The following SEC16A variants were observed in gnomAD, a reference collection of about 807,000 sequenced individuals.
SEC16A encodes SEC16 homolog A, endoplasmic reticulum export factor.
A neutral mutation model predicts 221.9 loss-of-function variants in SEC16A; 110 were observed. The observed-to-expected ratio is 0.50, with a 90% CI of 0.42 to 0.58. The LOEUF is 0.58. SEC16A is among the 20% of genes least tolerant of loss of function. The pLI is 0.00. For synonymous variants in SEC16A, 1,393 were observed against 1,257.7 expected (o/e 1.11, Z -2.28); for missense variants, 3,165 against 3,097.8 (o/e 1.02, Z -0.52).
At chr9:136,455,832 T>C in intron 19 of SEC16A, 39 bp from the exon 20 acceptor site, 2 of 1,541,100 alleles carry the variant, frequency 1.3e-6, no homozygotes, top group Non-Finnish European at 8.8e-7. Flanking sequence ...AAGCCGCCTG[T>C]GGCCGCTCTG....
chr9:136,474,075 G>A lies in SEC16A; in HGVS notation c.3541C>T (p.Pro1181Ser), dbSNP rs769199830. The change falls in exon 3 of 32, where the codon CCT becomes TCT. Residue 1181 changes from proline to serine, a missense_variant. Transcript: ENST00000684901. ...PQYSLPYPPE[P>S]GAASLYYQDV... is the part of the protein sequence containing the mutation. ...TGGTAATAGAGGGAGGCTGCGCCAG[G>A]CTCCGGTGGGTACGGCAAAGAGTAC... is the stretch of plus-strand genomic sequence containing the variant. The A allele has an allele frequency of 6.2e-7, 1 of 1,607,556 alleles. No homozygotes were observed. The highest frequency in any genetic ancestry group is 8.5e-7 in the Non-Finnish European group (1 of 1,175,924).
At position 136,474,261 on chromosome 9, in the gene SEC16A, A is replaced by T; in HGVS notation, c.3355T>A (p.Ser1119Thr). ...GQQLPPRPPQ[S>T]SSVSLVSSGS... ...CTGGACACCAGAGACACGCTAGAGG[A>T]CTGAGGAGGCCGAGGGGGCAGCTGC... The change falls in exon 3 of 32, where the codon TCC becomes ACC. Residue 1119 changes from serine to threonine, a missense_variant. Ser to Thr is a moderately conservative substitution (Grantham distance 58). Transcript: ENST00000684901. 6.2e-7 allele frequency: 1 copy of T among 1,608,318 alleles called. No individual in the cohort carries two copies. Among genetic ancestry groups the T allele is most frequent in the Admixed American group, 1.7e-5 (1 of 58,896 alleles).
Position 136,475,067 on chromosome 9 carries a change from G to C in SEC16A, c.2549C>G (p.Ser850Trp), listed in dbSNP as rs1289205763. The change falls in exon 3 of 32, where the codon TCG (serine) becomes TGG (tryptophan). Residue 850 changes from serine (S) to tryptophan (W), a missense_variant. Physicochemically the swap from Ser to Trp is radical, Grantham distance 177 (BLOSUM62 -3). Coordinates refer to ENST00000684901, the MANE Select transcript of SEC16A (RefSeq NM_014866.2). The surrounding 1 kb of genome is among the most constrained non-coding windows in gnomAD (Gnocchi z 5.0). Reference sequence around the variant, plus strand: ...GGACTGATTCTTCTCATGAGAGTTCGATAAGGACACAGAAAAGTTAATGGG... The same window carrying C: ...GGACTGATTCTTCTCATGAGAGTTCCATAAGGACACAGAAAAGTTAATGGG... ...AQPINFSVSL[S>W]NSHEKNQSWR... is the part of the protein sequence containing the mutation. 6.2e-7 allele frequency: 1 copy of C among 1,613,678 alleles called. No individual in the cohort carries two copies. The highest frequency in any genetic ancestry group is 8.5e-7 in the Non-Finnish European group (1 of 1,179,832).
chr9:136,443,900 C>G lies in SEC16A; in HGVS notation c.6928G>C (p.Ala2310Pro), dbSNP rs571167877. ...CCTGCAGCAGGGAGGTCGCCAGGAGCCTGAGAAGCACAGAGAAGTCACCTC... is the reference window on the plus strand; with the variant it reads ...CCTGCAGCAGGGAGGTCGCCAGGAGGCTGAGAAGCACAGAGAAGTCACCTC... ...SREVSQHFNQ[A>P]PGDLPAAGGP... Residue 2310 changes from alanine to proline, a missense_variant and splice_region_variant, in exon 31 of 32, where the codon GCT (alanine) becomes CCT (proline). Coordinates refer to ENST00000684901, the MANE Select transcript of SEC16A (RefSeq NM_014866.2). 1 of 1,608,418 alleles carries G rather than the reference C, an allele frequency of 6.2e-7. No homozygotes were observed. Among genetic ancestry groups the G allele is most frequent in the Admixed American group, 1.7e-5 (1 of 59,044 alleles).
intron 1 of SEC16A, among the ~76,000 whole-genome samples, chr9:136,482,606 G>C (rs762694000): frequency 3.3e-5 from 5 of 152,262 alleles, no homozygotes; most frequent in Non-Finnish European, 5.9e-5. Flanking sequence ...GACAAGACAC[G>C]CTCATTTGAA....
intron 5 of SEC16A, among the ~76,000 whole-genome samples, 159 bp from the exon 6 acceptor site, chr9:136,467,242 G>C (rs1196774118): frequency 1.3e-5 from 2 of 152,206 alleles, no homozygotes; most frequent in African/African-American, 4.8e-5. Flanking sequence ...AGGAAGCCAT[G>C]AGATCTGGAG....
Position 136,476,505 on chromosome 9 carries a change from C to G in SEC16A, c.1111G>C (p.Ala371Pro). The G allele has an allele frequency of 1.3e-6, 2 of 1,591,216 alleles. No homozygotes were observed. The highest frequency in any genetic ancestry group is 1.7e-4 in the Middle Eastern group (1 of 6,004). The change falls in exon 3 of 32, where the codon GCT (alanine) becomes CCT (proline). Residue 371 changes from alanine to proline, a missense_variant. Physicochemically the swap from Ala to Pro is conservative, Grantham distance 27. This residue lies in a region of SEC16A where 2,030 missense variants were observed against 1,923.1 expected (regional missense o/e 1.06). Transcript: ENST00000684901. Reference protein sequence around the residue: ...PLEADSGASGALAMFFQGGET... With the variant: ...PLEADSGASGPLAMFFQGGET... ...CCCCCTTGGAAAAACATCGCCAGAG[C>G]TCCTGAAGCTCCTGAGTCTGCTTCT...
rs1308414752 is a variant in SEC16A, at chr9:136,458,894, CCT to C, written c.5409+238_5409+239del. On this transcript the variant is annotated intron_variant, in intron 17 of 31. Transcript: ENST00000684901. ...TCCAGCCTGGGCAACAGAGTGAGAC[CCT>C]GTCTCCCTTAAAAAAAAAGCTCATG... Among the ~76,000 whole-genome samples, 12 of 152,146 alleles carry C rather than the reference CCT, an allele frequency of 7.9e-5. No homozygotes were observed. In the East Asian group the frequency reaches 2.3e-3, roughly 29 times the overall value.
chr9:136,483,575 T>C (rs898501908), upstream of SEC16A: 5 of 984,780 alleles, frequency 5.1e-6, no homozygotes, highest in Admixed American at 1.8e-4. Flanking sequence ...TACGTCGCCC[T>C]GTTTACGCTG....
chr9:136,443,294 G>A (rs574986086), intron 31 of SEC16A, among the ~76,000 whole-genome samples: 2 of 152,364 alleles, frequency 1.3e-5, no homozygotes, highest in East Asian at 3.9e-4. Context: ...GGTGGGCCTG[G>A]TGTCCACACA....
chr9:136,443,151 T>C (rs1836437896), intron 31 of SEC16A, among the ~76,000 whole-genome samples: 1 of 152,080 alleles, frequency 6.6e-6, no homozygotes, highest in South Asian at 2.1e-4. Context: ...GATACACAAG[T>C]AGAAAGCCAA....
chr9:136,453,831 C>T (rs1340776986), intron 21 of SEC16A, among the ~76,000 whole-genome samples: 2 of 152,222 alleles, frequency 1.3e-5, no homozygotes, highest in African/African-American at 4.8e-5. Flanking sequence ...CGTCTAAAGA[C>T]AGACCCCAGG....
rs766661321 is a variant in SEC16A at position 136,457,622 on chromosome 9, C to G, written c.5410-38G>C. On this transcript the variant is annotated intron_variant, in intron 17 of 31. Coordinates refer to ENST00000684901, the MANE Select transcript of SEC16A (RefSeq NM_014866.2). ...AAGCCTTGCTGCCCTGCGGCTCCCC[C>G]GCGTCCGAGCATCGCCGATGGACAA... 5.7e-6 allele frequency: 9 copies of G among 1,587,882 alleles called. No homozygotes were observed. The Admixed American group carries it at 7.0e-5, about 12-fold the overall frequency.
Position 136,476,978 on chromosome 9 carries a change from C to T in SEC16A, c.638G>A (p.Gly213Glu). ...GCCTCCCTGCACTGGCCCCCACTGT[C>T]CTGGCATCTGCAGACCAGGCTGAGG... The part of the protein sequence containing the change: ...SLPQPGLQMP[G>E]QWGPVQGGPQ... The change falls in exon 3 of 32, where the codon GGA becomes GAA. Residue 213 changes from glycine (G) to glutamate (E), a missense_variant. Gly to Glu is a moderately conservative substitution (Grantham distance 98, BLOSUM62 -2). Transcript: ENST00000684901. 4 of 1,613,256 alleles carry T rather than the reference C, an allele frequency of 2.5e-6. No individual in the cohort carries two copies. The highest frequency in any genetic ancestry group is 2.5e-6 in the Non-Finnish European group (3 of 1,179,850).
Position 136,451,014 on chromosome 9 carries a change from G to A in SEC16A, c.6312+242C>T, listed in dbSNP as rs138772443. On this transcript the variant is annotated intron_variant, in intron 23 of 31. Transcript: ENST00000684901. ...TTGCGGGTGGGTCTGACAGGTAGTG[G>A]CCAGAGGCGACCTCTGGGGGCCGGG... is the stretch of plus-strand genomic sequence containing the variant. 9.0e-3 allele frequency among the ~76,000 whole-genome samples: 1,378 copies of A among 152,278 alleles called. 6 individuals carry two copies. The highest frequency in any genetic ancestry group is 0.015 in the Non-Finnish European group (989 of 68,008).
intron 31 of SEC16A, among the ~76,000 whole-genome samples, chr9:136,442,615 A>G (rs1836352038): frequency 6.6e-6 from 1 of 152,236 alleles, no homozygotes; most frequent in South Asian, 2.1e-4. Context: ...ACCACAGGAA[A>G]CATTCTAGAA....
chr9:136,456,185 C>A lies in SEC16A; in HGVS notation c.5551-19G>T. 1 of 1,587,020 alleles carries A rather than the reference C, an allele frequency of 6.3e-7. No individual in the cohort carries two copies. Among genetic ancestry groups the A allele is most frequent in the South Asian group, 1.1e-5 (1 of 90,380 alleles). On this transcript the variant is annotated intron_variant, in intron 18 of 31. Coordinates refer to ENST00000684901, the MANE Select transcript of SEC16A (RefSeq NM_014866.2). Reference sequence around the variant, plus strand: ...AAGCCATCTAGACACGGGCAAAAATCAAAGGCCCCTGTCACCACCGGGTGA... The same window carrying A: ...AAGCCATCTAGACACGGGCAAAAATAAAAGGCCCCTGTCACCACCGGGTGA...
intron 3 of SEC16A, 66 bp from the exon 4 acceptor site, chr9:136,472,177 C>A (rs755960277): frequency 1.3e-6 from 2 of 1,592,600 alleles, no homozygotes; most frequent in Non-Finnish European, 1.7e-6. Flanking sequence ...AACAGCCAGC[C>A]TGAGCTGGAA....
chr9:136,476,207 ACTT>A lies in SEC16A; in HGVS notation c.1406_1408del (p.Glu469del). On this transcript the variant is annotated inframe_deletion, in exon 3 of 32. Coordinates refer to ENST00000684901, the MANE Select transcript of SEC16A (RefSeq NM_014866.2). The stretch of plus-strand genomic sequence containing the variant: ...CAAATTGAGGGGCTCACTTGGCAGA[ACTT>A]CTTGATTCTGAACAAATTCTAAGTT... 1 of 1,613,772 alleles carries A rather than the reference ACTT, an allele frequency of 6.2e-7. No homozygotes were observed. Among genetic ancestry groups the A allele is most frequent in the Non-Finnish European group, 8.5e-7 (1 of 1,179,892 alleles).
Sources: gnomAD v4.1 joint callset for allele counts (sites outside exome capture counted in the v4.1 genomes callset) on GRCh38, gnomAD v4.1.1 for gene constraint, gnomAD v4.1.1 regional missense constraint, Gnocchi (gnomAD v3.1) non-coding constraint, MANE v1.5 for transcripts, NCBI Gene and HGNC (gene_info 2026-07-23, HGNC 2026-07-21) for gene names.